BICD1: variants seen among roughly 807,000 people sequenced by gnomAD.
The protein encoded by BICD1 is BICD cargo adaptor 1.
In BICD1, 35 loss-of-function variants were observed where a neutral mutation model predicts 92.5. That is an observed-to-expected ratio of 0.38 (90% CI 0.29 to 0.50). The LOEUF (loss-of-function observed/expected upper bound fraction) is 0.50, where lower values mean the gene tolerates loss of function less well. Among genes scored for constraint, BICD1 ranks in the 20% least tolerant of loss-of-function variants. BICD1 has a pLI of 0.93. For synonymous variants in BICD1, 429 were observed against 465.1 expected, an observed-to-expected ratio of 0.92 and a Z score of 1.00; for missense variants, 950 against 1,189.8, an observed-to-expected ratio of 0.80 and a Z score of 2.97.
At position 32,233,808 on chromosome 12, in the gene BICD1, T is replaced by C. The variant is rs1945975690; in HGVS notation, c.426+17349T>C. ...GATGCTTACTGGACAATTTTAATCTTTTTTTTACGTCTTGACCTCTATTTC... is the reference window on the plus strand; with the variant it reads ...GATGCTTACTGGACAATTTTAATCTCTTTTTTACGTCTTGACCTCTATTTC... On this transcript the variant is annotated intron_variant, in intron 2 of 9. Coordinates refer to ENST00000652176, the MANE Select transcript of BICD1 (RefSeq NM_001714.4). 2.0e-5 allele frequency among the ~76,000 whole-genome samples: 3 copies of C among 152,164 alleles called. No individual in the cohort carries two copies. The South Asian group carries it at 6.2e-4, about 32-fold the overall frequency.
At chr12:32,219,647 CTT>C (rs1467318209) in intron 2 of BICD1, among the ~76,000 whole-genome samples, 1 of 152,066 alleles carries the variant, frequency 6.6e-6, no homozygotes, top group Non-Finnish European at 1.5e-5. Flanking sequence ...AATTCTTTCT[CTT>C]GTGATATGAA....
rs1045997388 is a variant in BICD1 at position 32,383,216 on chromosome 12, T to A, written c.*5589T>A. On this transcript the variant is annotated 3_prime_UTR_variant, in exon 10 of 10. Coordinates refer to ENST00000652176, the MANE Select transcript of BICD1 (RefSeq NM_001714.4). ...AGTTTAATTATTATGCCTTTTGGGG[T>A]TAAATGATGTGAAGTGTTTCCACCT... The A allele has an allele frequency of 6.6e-6, 1 of 152,106 alleles. No homozygotes were observed. The highest frequency in any genetic ancestry group is 1.5e-5 in the Non-Finnish European group (1 of 67,956). The allele number at this position is 152,106 out of a possible 1,614,324, so 9.4% of individuals were successfully genotyped here. A position where few individuals can be genotyped will look rare whatever the true frequency, so the allele number is the denominator to read the frequency against.
intron 2 of BICD1, among the ~76,000 whole-genome samples, chr12:32,225,235 G>A (rs1203666744): frequency 3.9e-5 from 6 of 152,174 alleles, no homozygotes; most frequent in Admixed American, 1.3e-4. Context: ...TTGAGATTGG[G>A]TCCTTCAGCA....
intron 1 of BICD1, among the ~76,000 whole-genome samples, chr12:32,128,064 C>T (rs1262110352): frequency 4.6e-5 from 7 of 152,016 alleles, no homozygotes; most frequent in South Asian, 4.2e-4. Flanking sequence ...CCACCACACC[C>T]GGCTAATTTT....
At chr12:32,295,182 G>C (rs1044944885) in intron 3 of BICD1, among the ~76,000 whole-genome samples, 1 of 151,282 alleles carries the variant, frequency 6.6e-6, no homozygotes. Context: ...TTTTTTTGCT[G>C]TAATGGGGGT....
chr12:32,172,182 G>A (rs1293967652), intron 1 of BICD1, among the ~76,000 whole-genome samples: 1 of 152,132 alleles, frequency 6.6e-6, no homozygotes, highest in Non-Finnish European at 1.5e-5. Flanking sequence ...TGAAAGAAGA[G>A]GGAATCAGTG....
At chr12:32,135,205 C>T (rs1417743632) in intron 1 of BICD1, among the ~76,000 whole-genome samples, 1 of 151,716 alleles carries the variant, frequency 6.6e-6, no homozygotes, top group Non-Finnish European at 1.5e-5. Context: ...TCTCCTGCCT[C>T]AGCCTCCTGA....
At chr12:32,275,577 A>G (rs1478587758) in intron 2 of BICD1, among the ~76,000 whole-genome samples, 1 of 151,952 alleles carries the variant, frequency 6.6e-6, no homozygotes, top group Non-Finnish European at 1.5e-5. Context: ...TTTTCACTCT[A>G]TTAAATCTTG....
chr12:32,131,901 A>T (rs1376142299), intron 1 of BICD1, among the ~76,000 whole-genome samples: 1 of 152,192 alleles, frequency 6.6e-6, no homozygotes, highest in Non-Finnish European at 1.5e-5. Context: ...TTACAGGGTG[A>T]TATGTGCTAA....
intron 2 of BICD1, among the ~76,000 whole-genome samples, chr12:32,244,668 C>T (rs1040897068): frequency 5.5e-5 from 8 of 144,612 alleles, no homozygotes; most frequent in South Asian, 2.2e-4. Flanking sequence ...CTCACTCTGT[C>T]GCCAGGCTGG....
At chr12:32,178,585 T>A (rs542415915) in intron 1 of BICD1, among the ~76,000 whole-genome samples, 12 of 152,006 alleles carry the variant, frequency 7.9e-5, no homozygotes, top group Non-Finnish European at 1.3e-4. Flanking sequence ...AATTTGTCTG[T>A]GATTTACAGC....
rs561368979 is a variant in BICD1 at position 32,247,380 on chromosome 12, T to C, written c.426+30921T>C. ...AGTGAATAGATGACATTTTAAGCCATGGGCTTGGAGGAGATAACCTAAGGA... is the reference window on the plus strand; with the variant it reads ...AGTGAATAGATGACATTTTAAGCCACGGGCTTGGAGGAGATAACCTAAGGA... On this transcript the variant is annotated intron_variant, in intron 2 of 9. Transcript: ENST00000652176. Among the ~76,000 whole-genome samples the C allele has an allele frequency of 5.3e-5, 8 of 152,234 alleles. No homozygotes were observed. In the East Asian group the frequency reaches 9.7e-4, roughly 18 times the overall value.
At chr12:32,358,110 GTT>G (rs1458366005) in intron 8 of BICD1, among the ~76,000 whole-genome samples, 1 of 152,032 alleles carries the variant, frequency 6.6e-6, no homozygotes, top group African/African-American at 2.4e-5. Flanking sequence ...TGGTTTGTTT[GTT>G]TGTTTTTGAG....
At chr12:32,135,023 C>CTCCTCTCCTT (rs1353627507) in intron 1 of BICD1, among the ~76,000 whole-genome samples, 1 of 8,414 alleles carries the variant, frequency 1.2e-4, no homozygotes, top group East Asian at 9.8e-3. Flanking sequence ...TGAATGAGTC[C>CTCCTCTCCTT]TCCTCTCCTC....
At chr12:32,366,437 T>C (rs1264415847) in intron 8 of BICD1, among the ~76,000 whole-genome samples, 1 of 152,202 alleles carries the variant, frequency 6.6e-6, no homozygotes, top group African/African-American at 2.4e-5. Flanking sequence ...CTGACCAATA[T>C]GGTGAAACCC....
intron 2 of BICD1, among the ~76,000 whole-genome samples, chr12:32,248,537 G>A (rs1410244186): frequency 6.6e-6 from 1 of 152,166 alleles, no homozygotes; most frequent in Non-Finnish European, 1.5e-5. Flanking sequence ...CAAAAATGAA[G>A]TCCTTGAGCA....
chr12:32,183,094 T>C (rs1449753960), intron 1 of BICD1, among the ~76,000 whole-genome samples: 1 of 151,224 alleles, frequency 6.6e-6, no homozygotes, highest in South Asian at 2.1e-4. Context: ...AGAGACGGAG[T>C]CTTGCTTTGT....
At chr12:32,269,442 G>A (rs1247740225) in intron 2 of BICD1, among the ~76,000 whole-genome samples, 1 of 152,154 alleles carries the variant, frequency 6.6e-6, no homozygotes, top group Non-Finnish European at 1.5e-5. Flanking sequence ...GAACTATTAA[G>A]TGAGAACTTT....
At chr12:32,158,856 G>C (rs1224722177) in intron 1 of BICD1, among the ~76,000 whole-genome samples, 1 of 152,196 alleles carries the variant, frequency 6.6e-6, no homozygotes, top group Non-Finnish European at 1.5e-5. Flanking sequence ...TGCCACTCTT[G>C]ATTAAGCATG....
Sources: allele counts gnomAD v4.1 joint callset (sites outside exome capture counted in the v4.1 genomes callset), GRCh38; gene constraint gnomAD v4.1.1; transcripts MANE v1.5; gene names NCBI Gene and HGNC (gene_info 2026-07-23, HGNC 2026-07-21).